Variants in TMEM156 observed in about 807,000 individuals in gnomAD.
The protein encoded by TMEM156 is transmembrane protein 156.
Under a neutral mutation model 30.5 loss-of-function variants are expected in TMEM156, and 28 were observed. The ratio of observed to expected loss-of-function variants is 0.92; its 90% CI spans 0.68 to 1.26. The LOEUF is 1.26. TMEM156 is among the 50% of genes most tolerant of loss of function. The pLI, the probability that TMEM156 is intolerant of heterozygous loss-of-function variation, is 0.00. For missense variants in TMEM156, 351 were observed against 340.6 expected, an observed-to-expected ratio of 1.03 and a Z score of -0.24; for synonymous variants, 137 against 119.9, an observed-to-expected ratio of 1.14 and a Z score of -0.93.
intron 6 of TMEM156, among the ~76,000 whole-genome samples, chr4:38,968,725 C>T (rs997484419): frequency 6.6e-6 from 1 of 152,164 alleles, no homozygotes; most frequent in African/African-American, 2.4e-5. Context: ...GCACTGAGAC[C>T]CAAAGTACTA....
chr4:38,971,227 A>G, intron 5 of TMEM156, 90 bp from the exon 6 acceptor site: 1 of 1,208,836 alleles, frequency 8.3e-7, no homozygotes, highest in Non-Finnish European at 1.2e-6. Context: ...TAGCAAGAGA[A>G]GCATGCTCTA....
At chr4:38,977,563 A>C (rs1387645738) in intron 5 of TMEM156, among the ~76,000 whole-genome samples, 2 of 152,218 alleles carry the variant, frequency 1.3e-5, no homozygotes, top group African/African-American at 4.8e-5. Flanking sequence ...AACGGGTGGA[A>C]ATTTTTTCTG....
intron 3 of TMEM156, among the ~76,000 whole-genome samples, 199 bp downstream of exon 3, chr4:38,993,539 G>T (rs1285049396): frequency 6.6e-6 from 1 of 152,052 alleles, no homozygotes; most frequent in East Asian, 1.9e-4. Flanking sequence ...CTCTTTCTCA[G>T]GTTACAGGTA....
intron 1 of TMEM156, among the ~76,000 whole-genome samples, chr4:39,001,918 A>G (rs1213316428): frequency 1.4e-5 from 2 of 143,312 alleles, no homozygotes; most frequent in Non-Finnish European, 3.1e-5. Context: ...TAGACCTAAA[A>G]CCATAAAAAC....
In TMEM156 at chr4:38,992,912, C is replaced by A. The variant is rs566094495; in HGVS notation, c.619+826G>T. Among the ~76,000 whole-genome samples, 74 of 150,584 alleles carry A rather than the reference C, an allele frequency of 4.9e-4. No homozygotes were observed. The Middle Eastern group carries it at 0.014, about 28-fold the overall frequency. ...AAGTACCTGGGACTACAGGCAAATG[C>A]CACCACACCCAGCTAATTTTTTATA... On this transcript the variant is annotated intron_variant, in intron 3 of 6. Transcript: ENST00000381938.
At chr4:38,970,887 GTCA>G (rs1249823361) in intron 6 of TMEM156, 142 bp downstream of exon 6, 3 of 534,334 alleles carry the variant, frequency 5.6e-6, no homozygotes, top group Admixed American at 3.4e-5. Flanking sequence ...TTTATTTCAT[GTCA>G]TCTAATTCAT....
At chr4:39,026,365 A>G (rs182003347) in intron 1 of TMEM156, among the ~76,000 whole-genome samples, 1 of 75,864 alleles carries the variant, frequency 1.3e-5, no homozygotes, top group Non-Finnish European at 2.6e-5. Context: ...AAATTTTTTT[A>G]AAAAATTAAA....
intron 3 of TMEM156, among the ~76,000 whole-genome samples, chr4:38,991,564 C>T (rs80341158): frequency 0.12 from 17,980 of 152,028 alleles, 1,165 homozygotes; most frequent in East Asian, 0.2. Flanking sequence ...ATATACTTTT[C>T]GCAGAATACA....
At chr4:38,986,532 G>T in intron 4 of TMEM156, 113 bp from the exon 5 acceptor site, 1 of 775,530 alleles carries the variant, frequency 1.3e-6, no homozygotes, top group Non-Finnish European at 2.1e-6. Flanking sequence ...TTCATGGCCA[G>T]GCACGGTGGT....
intron 1 of TMEM156, among the ~76,000 whole-genome samples, chr4:39,023,843 G>T (rs1007886836): frequency 6.6e-6 from 1 of 152,012 alleles, no homozygotes; most frequent in African/African-American, 2.4e-5. Context: ...GACAGAGTGA[G>T]ACTCCGTTTA....
intron 6 of TMEM156, among the ~76,000 whole-genome samples, chr4:38,970,390 A>G (rs779352996): frequency 2.2e-4 from 34 of 152,132 alleles, no homozygotes; most frequent in Non-Finnish European, 4.4e-4. Flanking sequence ...CTGAAAAACC[A>G]CCCACGTATT....
Position 38,979,077 on chromosome 4 carries a change from G to A in TMEM156, c.823+7259C>T, listed in dbSNP as rs576094232. Among the ~76,000 whole-genome samples, 4 of 152,222 alleles carry A rather than the reference G, an allele frequency of 2.6e-5. No homozygotes were observed. The South Asian group carries it at 6.2e-4, about 24-fold the overall frequency. On this transcript the variant is annotated intron_variant, in intron 5 of 6. Coordinates refer to ENST00000381938, the MANE Select transcript of TMEM156 (RefSeq NM_024943.3). ...TGTTTGATCTGTATTTCTCTCAATT[G>A]TATCATTCTTTATGGATTAATGCAC...
At chr4:39,010,426 A>AC in intron 1 of TMEM156, among the ~76,000 whole-genome samples, 1 of 152,170 alleles carries the variant, frequency 6.6e-6, no homozygotes, top group African/African-American at 2.4e-5. Flanking sequence ...CCCACCCACC[A>AC]CACACACAAA....
At chr4:38,967,693 A>C (rs1722410459) in intron 6 of TMEM156, 52 bp from the exon 7 acceptor site, 1 of 152,236 alleles carries the variant, frequency 6.6e-6, no homozygotes, top group African/African-American at 2.4e-5. Flanking sequence ...AAATTTTGTT[A>C]AGTGTTACTT....
chr4:38,995,137 C>T (rs1001480016), intron 2 of TMEM156, among the ~76,000 whole-genome samples: 13 of 152,104 alleles, frequency 8.5e-5, no homozygotes, highest in Non-Finnish European at 1.6e-4. Flanking sequence ...TGTCAGTCTC[C>T]CTGTGTCCAT....
intron 1 of TMEM156, among the ~76,000 whole-genome samples, chr4:39,023,353 A>G (rs2711969): frequency 0.2 from 29,836 of 152,234 alleles, 4,736 homozygotes; most frequent in African/African-American, 0.43. Flanking sequence ...GAATAGAAAT[A>G]AAAACATATA....
chr4:38,999,642 A>C (rs1476518534), intron 1 of TMEM156, among the ~76,000 whole-genome samples: 1 of 152,220 alleles, frequency 6.6e-6, no homozygotes, highest in Admixed American at 6.5e-5. Flanking sequence ...TGGAGGCCAG[A>C]AGTCCAACAT....
intron 5 of TMEM156, among the ~76,000 whole-genome samples, chr4:38,976,819 C>T (rs1722876845): frequency 6.6e-6 from 1 of 152,222 alleles, no homozygotes; most frequent in Non-Finnish European, 1.5e-5. Context: ...CACATTAAAG[C>T]TTCAGAATGA....
chr4:39,010,656 A>G (rs1157585801), intron 1 of TMEM156, among the ~76,000 whole-genome samples: 1 of 152,220 alleles, frequency 6.6e-6, no homozygotes, highest in Non-Finnish European at 1.5e-5. Context: ...TGACAAAAGT[A>G]AACACTGGGG....
Sources: gnomAD v4.1 joint callset for allele counts (sites outside exome capture counted in the v4.1 genomes callset) on GRCh38, gnomAD v4.1.1 for gene constraint, MANE v1.5 for transcripts, NCBI Gene and HGNC (gene_info 2026-07-23, HGNC 2026-07-21) for gene names.